The following CORIN variants were observed in gnomAD, a reference collection of about 807,000 sequenced individuals.
The protein encoded by CORIN is corin, serine peptidase.
CORIN carries 117 observed loss-of-function variants against 125.3 expected under a neutral mutation model. That is an observed-to-expected ratio of 0.93 (90% CI 0.80 to 1.09). The LOEUF is 1.09. CORIN is among the 50% of genes least tolerant of loss of function. The pLI, the probability that CORIN is intolerant of heterozygous loss-of-function variation, is 0.00. For synonymous variants in CORIN, 450 were observed against 466.4 expected (o/e 0.96, Z 0.45); for missense variants, 1,253 against 1,306.7 (o/e 0.96, Z 0.63).
chr4:47,627,875 G>A (rs2109569520), intron 16 of CORIN, among the ~76,000 whole-genome samples: 1 of 152,290 alleles, frequency 6.6e-6, no homozygotes, highest in South Asian at 2.1e-4. Flanking sequence ...ATACTTGCAT[G>A]GGGAGTGCAA....
intron 10 of CORIN, among the ~76,000 whole-genome samples, chr4:47,672,864 G>A (rs1724823567): frequency 1.3e-5 from 2 of 151,918 alleles, no homozygotes; most frequent in African/African-American, 2.4e-5. Flanking sequence ...TGTCAGTCTG[G>A]GTTAATTAGC....
chr4:47,720,931 T>A (rs1167364907), intron 5 of CORIN, among the ~76,000 whole-genome samples: 1 of 152,194 alleles, frequency 6.6e-6, no homozygotes, highest in Non-Finnish European at 1.5e-5. Context: ...CTCTATGATC[T>A]TGAGCAAATC....
chr4:47,746,827 C>T (rs1560530580), intron 4 of CORIN, among the ~76,000 whole-genome samples: 1 of 152,194 alleles, frequency 6.6e-6, no homozygotes, highest in Admixed American at 6.5e-5. Context: ...AGCCACCGCA[C>T]CCAGCCAAGA....
intron 5 of CORIN, among the ~76,000 whole-genome samples, chr4:47,710,738 T>C (rs1726803144): frequency 6.6e-6 from 1 of 152,230 alleles, no homozygotes. Flanking sequence ...CCCAGTCCTG[T>C]TTGTAACTAG....
At chr4:47,701,864 C>A (rs886198816) in intron 5 of CORIN, among the ~76,000 whole-genome samples, 3 of 151,932 alleles carry the variant, frequency 2.0e-5, no homozygotes, top group African/African-American at 7.3e-5. Context: ...GACCTGGAAG[C>A]ATTTTTTTTA....
chr4:47,768,836 G>A (rs183407202), intron 3 of CORIN, among the ~76,000 whole-genome samples: 2 of 152,138 alleles, frequency 1.3e-5, no homozygotes, highest in Admixed American at 1.3e-4. Flanking sequence ...CACAATAAAG[G>A]CCATCTACGA....
chr4:47,775,903 GTTTT>G (rs937310209), intron 3 of CORIN, among the ~76,000 whole-genome samples: 1 of 152,108 alleles, frequency 6.6e-6, no homozygotes, highest in Non-Finnish European at 1.5e-5. Flanking sequence ...GTTTTTTGGG[GTTTT>G]TTTGAGTCAA....
At chr4:47,785,190 A>G (rs1487389504) in intron 3 of CORIN, among the ~76,000 whole-genome samples, 2 of 152,224 alleles carry the variant, frequency 1.3e-5, no homozygotes, top group Non-Finnish European at 2.9e-5. Context: ...AAGAGCCAAG[A>G]CAACTATGGA....
At chr4:47,671,146 T>C (rs1295831766) in intron 10 of CORIN, among the ~76,000 whole-genome samples, 1 of 152,174 alleles carries the variant, frequency 6.6e-6, no homozygotes, top group African/African-American at 2.4e-5. Context: ...AAGTCATCTG[T>C]AGAATTAAAA....
chr4:47,758,383 A>G (rs1455731316), intron 4 of CORIN, among the ~76,000 whole-genome samples: 1 of 152,188 alleles, frequency 6.6e-6, no homozygotes, highest in Non-Finnish European at 1.5e-5. Flanking sequence ...AAGAATTCAT[A>G]TTTTCAATGT....
intron 3 of CORIN, among the ~76,000 whole-genome samples, chr4:47,770,670 C>A (rs1340301492): frequency 6.6e-6 from 1 of 152,030 alleles, no homozygotes; most frequent in Non-Finnish European, 1.5e-5. Flanking sequence ...GTAGTATATA[C>A]ACACAATGAA....
intron 16 of CORIN, 103 bp downstream of exon 16, chr4:47,641,813 CTTTG>C (rs1723240376): frequency 6.6e-6 from 9 of 1,370,550 alleles, no homozygotes; most frequent in Middle Eastern, 3.8e-4. Context: ...TTGAAGGACT[CTTTG>C]TTTGAGAGCA....
chr4:47,790,446 T>A (rs1731028537), intron 2 of CORIN, among the ~76,000 whole-genome samples: 1 of 152,004 alleles, frequency 6.6e-6, no homozygotes, highest in African/African-American at 2.4e-5. Flanking sequence ...TTGCTGAGAG[T>A]CCCTGTTTCC....
intron 12 of CORIN, among the ~76,000 whole-genome samples, chr4:47,658,029 C>A (rs1437734388): frequency 8.5e-5 from 13 of 152,178 alleles, no homozygotes. Context: ...ACTCAAAAGT[C>A]CCAAGTCCCA....
At chr4:47,635,560 TGTCTAAA>T (rs1285362461) in intron 16 of CORIN, among the ~76,000 whole-genome samples, 3 of 152,196 alleles carry the variant, frequency 2.0e-5, no homozygotes, top group African/African-American at 7.2e-5. Context: ...AAGGTCAATG[TGTCTAAA>T]GTTTAGTGGG....
intron 3 of CORIN, among the ~76,000 whole-genome samples, chr4:47,769,323 G>A (rs1161965781): frequency 1.3e-5 from 2 of 151,948 alleles, no homozygotes; most frequent in African/African-American, 2.4e-5. Flanking sequence ...TTTAACCAAG[G>A]AGGTGAAAGA....
chr4:47,678,065 C>G lies in CORIN; in HGVS notation c.1133-11G>C. On this transcript the variant is annotated splice_polypyrimidine_tract_variant and intron_variant, in intron 8 of 21. Transcript: ENST00000273857. ...CCTGGCTGTGACAGGCTAGGAAGGA[C>G]CATAACAATATTCACTTTATTTATT... 1.3e-6 allele frequency: 2 copies of G among 1,558,354 alleles called. No individual in the cohort carries two copies. Among genetic ancestry groups the G allele is most frequent in the Non-Finnish European group, 1.8e-6 (2 of 1,129,256 alleles).
intron 5 of CORIN, among the ~76,000 whole-genome samples, chr4:47,694,780 C>A (rs1725910951): frequency 6.6e-6 from 1 of 152,154 alleles, no homozygotes; most frequent in African/African-American, 2.4e-5. Context: ...CAGTGGCTGG[C>A]ACTCAGGAGG....
intron 1 of CORIN, among the ~76,000 whole-genome samples, chr4:47,821,064 G>A (rs1008210532): frequency 5.9e-5 from 9 of 151,970 alleles, no homozygotes; most frequent in South Asian, 4.2e-4. Flanking sequence ...GTGAAATCCC[G>A]TCTCTGCTAA....
Sources: allele counts gnomAD v4.1 joint callset (sites outside exome capture counted in the v4.1 genomes callset), GRCh38; gene constraint gnomAD v4.1.1; transcripts MANE v1.5; gene names NCBI Gene and HGNC (gene_info 2026-07-23, HGNC 2026-07-21).